RIPK4: variants seen among roughly 807,000 people sequenced by gnomAD.
RIPK4 encodes the protein receptor-interacting serine/threonine-protein kinase 4.
RIPK4 carries 17 observed loss-of-function variants against 42.9 expected under a neutral mutation model. That is an observed-to-expected ratio of 0.40 (90% CI 0.27 to 0.59). The LOEUF (loss-of-function observed/expected upper bound fraction) is 0.59. Ranked by LOEUF, RIPK4 falls within the 20% of genes least tolerant of loss-of-function variation. RIPK4 has a pLI of 0.47. For synonymous variants in RIPK4, 498 were observed against 499.1 expected, an observed-to-expected ratio of 1.00 and a Z score of 0.03; for missense variants, 897 against 1,104.4, an observed-to-expected ratio of 0.81 and a Z score of 2.66.
In RIPK4 at chr21:41,740,679, G is replaced by T; in HGVS notation, c.*159C>A. 1 of 723,348 alleles carries T rather than the reference G, an allele frequency of 1.4e-6. No homozygotes were observed. Among genetic ancestry groups the T allele is most frequent in the Non-Finnish European group, 2.2e-6 (1 of 452,818 alleles). 44.8% of individuals were successfully genotyped at this position (723,348 alleles called of 1,614,324 possible). ...AGCTTCACCTGGAGGGGACACTCCG[G>T]TCAGCAGCAGCCGCCTCCTGATGGC... On this transcript the variant is annotated 3_prime_UTR_variant, in exon 8 of 8. Coordinates refer to ENST00000332512, the MANE Select transcript of RIPK4 (RefSeq NM_020639.3).
In RIPK4 at chr21:41,758,940, G is replaced by A. The variant is rs571195814; in HGVS notation, c.183-2124C>T. ...TCTCAGAATGCGTTCAGAGTAAGAG[G>A]CTGAATCCCACGGACGCACGCTGGC... On this transcript the variant is annotated intron_variant, in intron 1 of 7. Coordinates refer to ENST00000332512, the MANE Select transcript of RIPK4 (RefSeq NM_020639.3). Among the ~76,000 whole-genome samples, 37 of 152,298 alleles carry A rather than the reference G, an allele frequency of 2.4e-4. 1 individual carries two copies. Among genetic ancestry groups the A allele is most frequent in the Non-Finnish European group, 8.8e-5 (6 of 68,042 alleles).
intron 1 of RIPK4, among the ~76,000 whole-genome samples, chr21:41,766,195 C>T (rs778189137): frequency 2.6e-5 from 4 of 152,222 alleles, no homozygotes; most frequent in Non-Finnish European, 5.9e-5. Context: ...GGATCAACAC[C>T]CCGGGCCCCG....
In RIPK4 at chr21:41,741,513, G is replaced by A. The variant is rs1444540478; in HGVS notation, c.1680C>T (p.Gly560=). ...ENIVRILLRR[G]VDVSLQGKDA... is the part of the protein sequence containing the mutation. ...CCTTGCCCTGCAGGCTCACGTCCAC[G>A]CCTCGGCGCAGCAGGATGCGCACGA... The change falls in exon 8 of 8, where the codon GGC becomes GGT. Residue 560 remains glycine (G), a synonymous_variant. Coordinates refer to ENST00000332512, the MANE Select transcript of RIPK4 (RefSeq NM_020639.3). The A allele has an allele frequency of 9.3e-6, 15 of 1,612,344 alleles. No individual in the cohort carries two copies. Among genetic ancestry groups the A allele is most frequent in the East Asian group, 2.2e-5 (1 of 44,884 alleles).
At chr21:41,748,024 G>A (rs1165402689) in intron 4 of RIPK4, among the ~76,000 whole-genome samples, 3 of 152,228 alleles carry the variant, frequency 2.0e-5, no homozygotes, top group Non-Finnish European at 4.4e-5. Flanking sequence ...CTAGCTTCGG[G>A]TGTCACATCT....
rs919428686 is a variant in RIPK4 at position 41,740,431 on chromosome 21, T to TA, written c.*406dup. ...CTCTGCCCACCGTCATGTATGAAGA[T>TA]AAAAAACACAGTTTCCCCTGCACCT... is the stretch of plus-strand genomic sequence containing the variant. On this transcript the variant is annotated 3_prime_UTR_variant, in exon 8 of 8. Coordinates refer to ENST00000332512, the MANE Select transcript of RIPK4 (RefSeq NM_020639.3). 19 of 190,336 alleles carry TA rather than the reference T, an allele frequency of 1.0e-4. No homozygotes were observed. Among genetic ancestry groups the TA allele is most frequent in the Middle Eastern group, 2.0e-3 (1 of 498 alleles). The allele number at this position is 190,336 out of a possible 1,614,324, so 11.8% of individuals were successfully genotyped here.
At position 41,740,825 on chromosome 21, in the gene RIPK4, C is replaced by T. The variant is rs138541985; in HGVS notation, c.*13G>A. Reference sequence around the variant, plus strand: ...GAGCCCCACGTGGACCCCCGGTCTCCGCAGGCAGCCAGCTAGGTCTTGCTT... The same window carrying T: ...GAGCCCCACGTGGACCCCCGGTCTCTGCAGGCAGCCAGCTAGGTCTTGCTT... On this transcript the variant is annotated 3_prime_UTR_variant, in exon 8 of 8. Coordinates refer to ENST00000332512, the MANE Select transcript of RIPK4 (RefSeq NM_020639.3). The T allele has an allele frequency of 2.1e-5, 34 of 1,586,002 alleles. No individual in the cohort carries two copies. The highest frequency in any genetic ancestry group is 6.7e-5 in the East Asian group (3 of 44,578).
intron 1 of RIPK4, among the ~76,000 whole-genome samples, chr21:41,766,550 T>C (rs1448692955): frequency 6.6e-6 from 1 of 152,008 alleles, no homozygotes; most frequent in Non-Finnish European, 1.5e-5. Flanking sequence ...GAAGCACGAC[T>C]GGGCGCCTTA....
chr21:41,746,064 C>CG (rs749784505), intron 5 of RIPK4: 1 of 715,172 alleles, frequency 1.4e-6, no homozygotes, highest in South Asian at 1.4e-5. Flanking sequence ...CATTTGAAGG[C>CG]CTCACCAGAC....
At chr21:41,749,099 C>T in intron 4 of RIPK4, 55 bp downstream of exon 4, 3 of 1,571,564 alleles carry the variant, frequency 1.9e-6, no homozygotes, top group South Asian at 2.2e-5. Context: ...CAAGGTGTCC[C>T]CCCATTATTC....
At chr21:41,758,073 G>T (rs936981171) in intron 1 of RIPK4, among the ~76,000 whole-genome samples, 1 of 123,048 alleles carries the variant, frequency 8.1e-6, no homozygotes, top group African/African-American at 3.4e-5. Context: ...GAGAGAGAGA[G>T]AGAAAATGTA....
At chr21:41,749,902 AAAAAAAAG>A (rs1340609878) in intron 3 of RIPK4, among the ~76,000 whole-genome samples, 1 of 151,754 alleles carries the variant, frequency 6.6e-6, no homozygotes, top group African/African-American at 2.4e-5. Flanking sequence ...AAAAAAAAAA[AAAAAAAAG>A]AAAAGAAAAA....
At chr21:41,765,466 C>G (rs567514988) in intron 1 of RIPK4, among the ~76,000 whole-genome samples, 1 of 152,190 alleles carries the variant, frequency 6.6e-6, no homozygotes, top group African/African-American at 2.4e-5. Context: ...TTGAGGGTTA[C>G]GGCAAAAAGC....
chr21:41,741,185 C>T lies in RIPK4; in HGVS notation c.2008G>A (p.Gly670Ser), dbSNP rs148192173. The T allele has an allele frequency of 1.5e-4, 241 of 1,611,728 alleles. 1 individual carries two copies. In the African/African-American group the frequency reaches 2.3e-3, roughly 15 times the overall value. ...GAGKEAMTSD[G>S]YTALHLAARN... The stretch of plus-strand genomic sequence containing the variant: ...GCAGCCAGGTGCAGAGCGGTGTAGC[C>T]GTCTGAGGTCATGGCCTCCTTGCCA... The change falls in exon 8 of 8, where the codon GGC (glycine) becomes AGC (serine). Residue 670 changes from glycine (G) to serine (S), a missense_variant. By Grantham distance (56) the Gly-to-Ser change is moderately conservative (BLOSUM62 0). Coordinates refer to ENST00000332512, the MANE Select transcript of RIPK4 (RefSeq NM_020639.3).
Position 41,755,798 on chromosome 21 carries a change from C to A in RIPK4, c.474+727G>T, listed in dbSNP as rs995466674. Among the ~76,000 whole-genome samples the A allele has an allele frequency of 6.6e-6, 1 of 152,224 alleles. No homozygotes were observed. The highest frequency in any genetic ancestry group is 2.4e-5 in the African/African-American group (1 of 41,452). ...CACCACATGTCAACGACAGTACAAC[C>A]CTAGCCACGAAGGCCATCAAAGGAG... On this transcript the variant is annotated intron_variant, in intron 2 of 7. Transcript: ENST00000332512. This position sits in a 1 kb window ranked among gnomAD's most constrained non-coding sequence, Gnocchi z 4.2.
chr21:41,745,762 G>A lies in RIPK4; in HGVS notation c.933C>T (p.Ser311=), dbSNP rs149641623. ...LDVKSPPEPR[S]EVVPARLKRA... ...CCCTGTGGGAAGGACTCGTTACCTC[G>A]CTCCTGGGCTCCGGGGGGCTTTTCA... Residue 311 remains serine, a synonymous_variant, in exon 6 of 8, where the codon AGC becomes AGT. Transcript: ENST00000332512. 4 of 1,613,262 alleles carry A rather than the reference G, an allele frequency of 2.5e-6. No homozygotes were observed. The highest frequency in any genetic ancestry group is 1.3e-5 in the African/African-American group (1 of 75,008).
rs767310437 is a variant in RIPK4 at position 41,749,106 on chromosome 21, A to G, written c.673+48T>C. 30 of 1,596,888 alleles carry G rather than the reference A, an allele frequency of 1.9e-5. No homozygotes were observed. In the South Asian group the frequency reaches 3.2e-4, roughly 17 times the overall value. ...AAGGACAACAAGGTGTCCCCCCATT[A>G]TTCCAGGAAAGACAAGCACATTACA... On this transcript the variant is annotated intron_variant, in intron 4 of 7. Coordinates refer to ENST00000332512, the MANE Select transcript of RIPK4 (RefSeq NM_020639.3).
intron 3 of RIPK4, among the ~76,000 whole-genome samples, chr21:41,750,403 A>T (rs1271433167): frequency 6.6e-6 from 1 of 152,260 alleles, no homozygotes; most frequent in Non-Finnish European, 1.5e-5. Context: ...GTTAAGTGCC[A>T]TGAAGAAGAT....
At chr21:41,749,889 TAAAAAAAAAAA>T (rs776305508) in intron 3 of RIPK4, among the ~76,000 whole-genome samples, 6 of 99,390 alleles carry the variant, frequency 6.0e-5, no homozygotes, top group Admixed American at 1.1e-4. Flanking sequence ...CCAAATTGAT[TAAAAAAAAAAA>T]AAAAAAAAAG....
At chr21:41,761,511 C>T (rs1384304460) in intron 1 of RIPK4, among the ~76,000 whole-genome samples, 1 of 152,050 alleles carries the variant, frequency 6.6e-6, no homozygotes, top group Non-Finnish European at 1.5e-5. Flanking sequence ...GGACACTCTG[C>T]CCCGGGGCGC....
Sources: allele counts gnomAD v4.1 joint callset (sites outside exome capture counted in the v4.1 genomes callset), GRCh38; gene constraint gnomAD v4.1.1; non-coding constraint Gnocchi (gnomAD v3.1); transcripts MANE v1.5; gene names NCBI Gene and HGNC (gene_info 2026-07-23, HGNC 2026-07-21).